The following CAMK2B variants were observed in gnomAD, a reference collection of about 807,000 sequenced individuals.
CAMK2B encodes the protein calcium/calmodulin-dependent protein kinase type II subunit beta.
CAMK2B carries 27 observed loss-of-function variants against 93.7 expected under a neutral mutation model. The observed-to-expected ratio is 0.29, with a 90% CI of 0.21 to 0.40. CAMK2B has a LOEUF of 0.40. Among genes scored for constraint, CAMK2B ranks in the 10% least tolerant of loss-of-function variants. The pLI is 1.00. For synonymous variants in CAMK2B, 374 were observed against 358.8 expected, an observed-to-expected ratio of 1.04 and a Z score of -0.48; for missense variants, 568 against 895.8, an observed-to-expected ratio of 0.63 and a Z score of 4.67.
At chr7:44,262,168 G>A (rs2096884079) in intron 3 of CAMK2B, among the ~76,000 whole-genome samples, 1 of 152,238 alleles carries the variant, frequency 6.6e-6, no homozygotes, top group Admixed American at 6.5e-5. Context: ...GATGCCCCAG[G>A]CTCCTAAACA....
intron 1 of CAMK2B, among the ~76,000 whole-genome samples, chr7:44,294,760 C>T (rs1787830020): frequency 6.6e-6 from 1 of 152,140 alleles, no homozygotes; most frequent in South Asian, 2.1e-4. Flanking sequence ...GTTTGTATGG[C>T]AATTCTATGG....
intron 1 of CAMK2B, among the ~76,000 whole-genome samples, chr7:44,319,963 C>T (rs1795684692): frequency 6.6e-6 from 1 of 152,090 alleles, no homozygotes. Context: ...TGTACACACA[C>T]ACATATCCTC....
intron 11 of CAMK2B, 48 bp downstream of exon 11, chr7:44,241,652 G>A (rs369099621): frequency 8.9e-6 from 13 of 1,466,062 alleles, no homozygotes; most frequent in Admixed American, 3.4e-5. Flanking sequence ...AGCCCAGAGG[G>A]ACACAGAGAA....
intron 2 of CAMK2B, among the ~76,000 whole-genome samples, chr7:44,279,722 T>C (rs1264260232): frequency 6.6e-6 from 1 of 152,214 alleles, no homozygotes; most frequent in Admixed American, 6.5e-5. Flanking sequence ...GCAGCCATCC[T>C]CTCACTCAGA....
chr7:44,226,048 C>T, intron 20 of CAMK2B: 1 of 501,102 alleles, frequency 2.0e-6, no homozygotes, highest in Non-Finnish European at 3.2e-6. Context: ...CTCCCGATCC[C>T]CACCTGCTCC....
chr7:44,253,139 C>G (rs1266090658), intron 5 of CAMK2B, among the ~76,000 whole-genome samples: 3 of 151,472 alleles, frequency 2.0e-5, no homozygotes, highest in African/African-American at 7.3e-5. Context: ...ACTACTTCTG[C>G]TACTTAAAAA....
At chr7:44,231,632 G>A (rs1392184781) in intron 16 of CAMK2B, among the ~76,000 whole-genome samples, 1 of 152,238 alleles carries the variant, frequency 6.6e-6, no homozygotes, top group African/African-American at 2.4e-5. Context: ...AGGGCTCCAG[G>A]AACCTTGGCC....
rs756806590 is a variant in CAMK2B at position 44,220,083 on chromosome 7, C to T, written c.1980G>A (p.Ala660=). 2.2e-5 allele frequency: 35 copies of T among 1,598,544 alleles called. No individual in the cohort carries two copies. Among genetic ancestry groups the T allele is most frequent in the Admixed American group, 5.1e-5 (3 of 58,774 alleles). The change falls in exon 23 of 24, where the codon GCG becomes GCA. Residue 660 remains alanine, a synonymous_variant. Transcript: ENST00000395749. ...ACCTTCACTGCAGCGGGGCCACAGGCGCGCCCGAGCAGTGGAAGTGCACGT... is the reference window on the plus strand; with the variant it reads ...ACCTTCACTGCAGCGGGGCCACAGGTGCGCCCGAGCAGTGGAAGTGCACGT... ...WQNVHFHCSG[A]PVAPLQ
chr7:44,296,810 T>G (rs1788440796), intron 1 of CAMK2B, among the ~76,000 whole-genome samples: 1 of 152,056 alleles, frequency 6.6e-6, no homozygotes, highest in Non-Finnish European at 1.5e-5. Flanking sequence ...CCTAGAATTC[T>G]GTATCCAGAG....
intron 20 of CAMK2B, among the ~76,000 whole-genome samples, chr7:44,223,435 C>A (rs954159089): frequency 6.6e-6 from 1 of 152,158 alleles, no homozygotes; most frequent in African/African-American, 2.4e-5. Flanking sequence ...GAAGCCCCTT[C>A]CCCTCCAGTT....
intron 1 of CAMK2B, among the ~76,000 whole-genome samples, chr7:44,317,965 C>T (rs1267937151): frequency 6.6e-6 from 1 of 152,108 alleles, no homozygotes; most frequent in East Asian, 1.9e-4. Context: ...GCTGATACCC[C>T]ATTTCCCTAG....
rs1422514863 is a variant in CAMK2B, at chr7:44,220,044, A to G, written c.*2+16T>C. On this transcript the variant is annotated intron_variant, in intron 23 of 23. Coordinates refer to ENST00000395749, the MANE Select transcript of CAMK2B (RefSeq NM_001220.5). ...CACCCCTCTGCCCCAGCTGTCACTT[A>G]GCACAGAACACTCACCTTCACTGCA... is the stretch of plus-strand genomic sequence containing the variant. 1.9e-6 allele frequency: 3 copies of G among 1,544,952 alleles called. 1 individual carries two copies. In the South Asian group the frequency reaches 3.6e-5, roughly 18 times the overall value.
At position 44,263,189 on chromosome 7, in the gene CAMK2B, C is replaced by T. The variant is rs564089590; in HGVS notation, c.161-125G>A. 1.5e-4 allele frequency: 121 copies of T among 819,800 alleles called. No homozygotes were observed. In the African/African-American group the frequency reaches 1.9e-3, roughly 13 times the overall value. The allele number at this position is 819,800 out of a possible 1,614,324, so 50.8% of individuals were successfully genotyped here. On this transcript the variant is annotated intron_variant, in intron 2 of 23. Coordinates refer to ENST00000395749, the MANE Select transcript of CAMK2B (RefSeq NM_001220.5). ...TCTGACGAGAGGAGTGGTTGTGCCC[C>T]CACCAAGGGAACACCCTTCGTGGCA...
chr7:44,289,114 C>G (rs560275655), intron 1 of CAMK2B, among the ~76,000 whole-genome samples: 1 of 152,316 alleles, frequency 6.6e-6, no homozygotes, highest in African/African-American at 2.4e-5. Flanking sequence ...GCTGCCCCCC[C>G]AACCCTCGTG....
At chr7:44,272,606 C>A (rs1206788405) in intron 2 of CAMK2B, among the ~76,000 whole-genome samples, 1 of 152,250 alleles carries the variant, frequency 6.6e-6, no homozygotes, top group Non-Finnish European at 1.5e-5. Flanking sequence ...GGGACCCTGG[C>A]AACCATGTCG....
chr7:44,260,106 A>G (rs1417592486), intron 3 of CAMK2B, among the ~76,000 whole-genome samples: 1 of 152,132 alleles, frequency 6.6e-6, no homozygotes, highest in African/African-American at 2.4e-5. Flanking sequence ...GCTCTCCTCT[A>G]CCACTTGAGA....
intron 4 of CAMK2B, 86 bp from the exon 5 acceptor site, chr7:44,254,693 C>T: frequency 1.2e-6 from 1 of 850,708 alleles, no homozygotes; most frequent in Admixed American, 1.7e-5. Flanking sequence ...CCACCACCAT[C>T]ACCACTATCA....
rs549258525 is a variant in CAMK2B at position 44,244,938 on chromosome 7, C to T, written c.415-1411G>A. ...CTGGGGCACACGCATCCGTGTCCAC[C>T]GAGCACCAATCCACAGGCCACTGGA... On this transcript the variant is annotated intron_variant, in intron 6 of 23. Transcript: ENST00000395749. 22 of 456,262 alleles carry T rather than the reference C, an allele frequency of 4.8e-5. 1 individual carries two copies. Among genetic ancestry groups the T allele is most frequent in the Admixed American group, 3.5e-4 (15 of 42,534 alleles). 28.3% of individuals were successfully genotyped at this position (456,262 alleles called of 1,614,324 possible). A position where few individuals can be genotyped will look rare whatever the true frequency, so the allele number is the denominator to read the frequency against.
At chr7:44,237,633 A>C (rs2096638949) in intron 13 of CAMK2B, among the ~76,000 whole-genome samples, 1 of 152,162 alleles carries the variant, frequency 6.6e-6, no homozygotes, top group African/African-American at 2.4e-5. Flanking sequence ...CCTGGGACTA[A>C]CTCCAGATTC....
Sources: allele counts gnomAD v4.1 joint callset (sites outside exome capture counted in the v4.1 genomes callset), GRCh38; gene constraint gnomAD v4.1.1; transcripts MANE v1.5; gene names NCBI Gene and HGNC (gene_info 2026-07-23, HGNC 2026-07-21).